GRID1: variants seen among roughly 807,000 people sequenced by gnomAD.
GRID1 encodes glutamate ionotropic receptor delta type subunit 1.
A neutral mutation model predicts 98.0 loss-of-function variants in GRID1; 28 were observed. That is an observed-to-expected ratio of 0.29 (90% CI 0.21 to 0.39). The LOEUF is 0.39. Ranked by LOEUF, GRID1 falls within the 10% of genes least tolerant of loss-of-function variation. GRID1 has a pLI of 1.00. For missense variants in GRID1, 1,111 were observed against 1,340.5 expected, an observed-to-expected ratio of 0.83 and a Z score of 2.67; for synonymous variants, 553 against 538.5, an observed-to-expected ratio of 1.03 and a Z score of -0.37.
chr10:85,821,480 G>T (rs1010584848), intron 8 of GRID1, among the ~76,000 whole-genome samples: 4 of 121,154 alleles, frequency 3.3e-5, no homozygotes, highest in African/African-American at 1.3e-4. Flanking sequence ...TTGTGCCACT[G>T]CACTCCAGCC....
At chr10:86,217,575 G>C (rs1465524116) in intron 2 of GRID1, among the ~76,000 whole-genome samples, 2 of 152,118 alleles carry the variant, frequency 1.3e-5, no homozygotes, top group African/African-American at 4.8e-5. Flanking sequence ...AAAGCTCTTG[G>C]CCAGACACCA....
chr10:86,152,058 G>A (rs1845177734), intron 3 of GRID1, among the ~76,000 whole-genome samples: 1 of 152,246 alleles, frequency 6.6e-6, no homozygotes, highest in Non-Finnish European at 1.5e-5. Flanking sequence ...GGATGTACTA[G>A]GAACAGCAGG....
At chr10:85,633,461 A>G (rs1414794757) in intron 13 of GRID1, among the ~76,000 whole-genome samples, 1 of 152,200 alleles carries the variant, frequency 6.6e-6, no homozygotes, top group African/African-American at 2.4e-5. Context: ...ATGAAACTGT[A>G]CCCTGAGGCC....
chr10:86,245,518 ATTTG>A (rs1846710381), intron 2 of GRID1, among the ~76,000 whole-genome samples: 1 of 143,378 alleles, frequency 7.0e-6, no homozygotes, highest in Non-Finnish European at 1.6e-5. Flanking sequence ...CTCCTCTACC[ATTTG>A]CTTTACTCCA....
chr10:85,610,891 G>A (rs1842725420), intron 15 of GRID1, among the ~76,000 whole-genome samples: 1 of 152,228 alleles, frequency 6.6e-6, no homozygotes, highest in African/African-American at 2.4e-5. Flanking sequence ...AGGGGTTGGA[G>A]GACAGGCAGC....
intron 13 of GRID1, among the ~76,000 whole-genome samples, chr10:85,637,599 A>G (rs994233160): frequency 1.3e-5 from 2 of 152,252 alleles, no homozygotes; most frequent in African/African-American, 4.8e-5. Context: ...CTACACATTT[A>G]GTAGAAATAA....
chr10:86,068,317 G>A (rs1843748907), intron 4 of GRID1, among the ~76,000 whole-genome samples: 1 of 152,190 alleles, frequency 6.6e-6, no homozygotes, highest in Admixed American at 6.5e-5. Flanking sequence ...CAGGAGAAGA[G>A]AGAATGGAGC....
intron 4 of GRID1, among the ~76,000 whole-genome samples, chr10:85,922,747 T>C (rs1213326036): frequency 6.6e-6 from 1 of 152,098 alleles, no homozygotes; most frequent in Non-Finnish European, 1.5e-5. Flanking sequence ...TGCAGGAGGA[T>C]GGATTATTTG....
At chr10:86,274,579 T>C (rs1847238932) in intron 2 of GRID1, among the ~76,000 whole-genome samples, 1 of 152,056 alleles carries the variant, frequency 6.6e-6, no homozygotes, top group Non-Finnish European at 1.5e-5. Flanking sequence ...TATCCTCTTT[T>C]ATTTCATTGA....
At chr10:86,008,451 G>T (rs1842888806) in intron 4 of GRID1, among the ~76,000 whole-genome samples, 1 of 152,064 alleles carries the variant, frequency 6.6e-6, no homozygotes, top group South Asian at 2.1e-4. Flanking sequence ...TCAATGAAAA[G>T]CTTCAAGGAA....
intron 15 of GRID1, among the ~76,000 whole-genome samples, chr10:85,612,071 T>G (rs1283300407): frequency 6.6e-6 from 1 of 152,212 alleles, no homozygotes; most frequent in Non-Finnish European, 1.5e-5. Context: ...TGTACTGAGT[T>G]AAGCAGTGTC....
At chr10:85,977,708 C>T (rs1842490245) in intron 4 of GRID1, among the ~76,000 whole-genome samples, 1 of 152,180 alleles carries the variant, frequency 6.6e-6, no homozygotes, top group Non-Finnish European at 1.5e-5. Context: ...TCCTTACTGC[C>T]CTGGATTAGA....
intron 12 of GRID1, among the ~76,000 whole-genome samples, chr10:85,692,115 CA>C (rs1841340441): frequency 6.6e-6 from 1 of 152,156 alleles, no homozygotes; most frequent in Admixed American, 6.5e-5. Flanking sequence ...ACAGCTTTCA[CA>C]GTATGTTTTC....
At chr10:85,930,855 T>A (rs2131832406) in intron 4 of GRID1, among the ~76,000 whole-genome samples, 1 of 152,266 alleles carries the variant, frequency 6.6e-6, no homozygotes, top group South Asian at 2.1e-4. Flanking sequence ...TCTATTTTAT[T>A]TTTTTAGACA....
At chr10:85,626,862 G>A (rs1026406726) in intron 13 of GRID1, among the ~76,000 whole-genome samples, 5 of 152,202 alleles carry the variant, frequency 3.3e-5, no homozygotes, top group South Asian at 4.1e-4. Context: ...TGTGGCTGGC[G>A]TGATATTTCT....
chr10:85,825,716 T>C (rs572961278), intron 8 of GRID1, among the ~76,000 whole-genome samples: 29 of 152,074 alleles, frequency 1.9e-4, no homozygotes, highest in African/African-American at 6.5e-4. Flanking sequence ...TTTTAAATGG[T>C]CAATCAAAAA....
At chr10:85,987,523 T>G (rs1842625167) in intron 4 of GRID1, among the ~76,000 whole-genome samples, 1 of 92,698 alleles carries the variant, frequency 1.1e-5, no homozygotes. Context: ...TAGCTATACC[T>G]TCCCCCCAAC....
At chr10:85,790,020 T>C (rs1472016549) in intron 8 of GRID1, among the ~76,000 whole-genome samples, 1 of 152,200 alleles carries the variant, frequency 6.6e-6, no homozygotes, top group East Asian at 1.9e-4. Context: ...ACTCTGCCTC[T>C]GGCCTCAGCT....
intron 8 of GRID1, among the ~76,000 whole-genome samples, chr10:85,746,121 G>A (rs1269641347): frequency 6.6e-6 from 1 of 152,110 alleles, no homozygotes; most frequent in African/African-American, 2.4e-5. Flanking sequence ...TATATCATTT[G>A]TCTCTTTGGA....
Sources: allele counts gnomAD v4.1 joint callset (sites outside exome capture counted in the v4.1 genomes callset), GRCh38; gene constraint gnomAD v4.1.1; transcripts MANE v1.5; gene names NCBI Gene and HGNC (gene_info 2026-07-23, HGNC 2026-07-21).